The following TPRG1 variants were observed in gnomAD, a reference collection of about 807,000 sequenced individuals.
TPRG1 encodes the protein tumor protein p63-regulated gene 1 protein.
In TPRG1, 29 loss-of-function variants were observed where a neutral mutation model predicts 29.3. The observed-to-expected ratio is 0.99, with a 90% CI of 0.74 to 1.35. TPRG1 has a LOEUF of 1.35. TPRG1 is among the 40% of genes most tolerant of loss of function. The pLI is 0.00. For missense variants in TPRG1, 327 were observed against 335.0 expected (o/e 0.98, Z 0.19); for synonymous variants, 130 against 116.8 (o/e 1.11, Z -0.73).
chr3:189,046,084 C>T (rs558430305), intron 4 of TPRG1, among the ~76,000 whole-genome samples: 105 of 152,296 alleles, frequency 6.9e-4, no homozygotes, highest in African/African-American at 2.4e-3. Context: ...AAAAGCTCAG[C>T]AGACTTCTAA....
intron 2 of TPRG1, among the ~76,000 whole-genome samples, chr3:189,208,170 C>G (rs1351425075): frequency 2.0e-5 from 3 of 152,194 alleles, no homozygotes; most frequent in Non-Finnish European, 4.4e-5. Flanking sequence ...GCTTGTATAT[C>G]TGGATGTTAA....
intron 3 of TPRG1, 108 bp from the exon 4 acceptor site, chr3:189,238,625 C>A: frequency 1.1e-6 from 1 of 920,528 alleles, no homozygotes; most frequent in Non-Finnish European, 1.6e-6. Flanking sequence ...CCTCTCTCTT[C>A]TGAGTTGATC....
intron 4 of TPRG1, among the ~76,000 whole-genome samples, chr3:189,257,160 A>G (rs1222312313): frequency 1.3e-5 from 2 of 152,108 alleles, no homozygotes; most frequent in East Asian, 3.9e-4. Context: ...TCCTTTCCAT[A>G]TTTAGTGCTT....
intron 5 of TPRG1, among the ~76,000 whole-genome samples, chr3:189,160,656 G>A (rs1175207357): frequency 2.0e-5 from 3 of 152,210 alleles, no homozygotes; most frequent in South Asian, 4.1e-4. Context: ...GCGGCTACAG[G>A]AATCAAAATA....
At chr3:189,068,874 A>G (rs1279986882) in intron 4 of TPRG1, among the ~76,000 whole-genome samples, 4 of 152,220 alleles carry the variant, frequency 2.6e-5, no homozygotes, top group Non-Finnish European at 5.9e-5. Flanking sequence ...ACTGGAGAAC[A>G]TTATGTTAAG....
chr3:189,107,416 T>C (rs1445894989), intron 1 of TPRG1, among the ~76,000 whole-genome samples: 1 of 152,206 alleles, frequency 6.6e-6, no homozygotes, highest in East Asian at 1.9e-4. Context: ...GTAAAAATTC[T>C]TTCTAAAATA....
At chr3:189,309,305 G>C (rs58297003) in intron 4 of TPRG1, among the ~76,000 whole-genome samples, 1 of 152,130 alleles carries the variant, frequency 6.6e-6, no homozygotes, top group Non-Finnish European at 1.5e-5. Flanking sequence ...TAAACATTCA[G>C]AAACCATAAC....
chr3:189,291,621 A>G (rs986502960), intron 4 of TPRG1, among the ~76,000 whole-genome samples: 1 of 152,206 alleles, frequency 6.6e-6, no homozygotes, highest in Non-Finnish European at 1.5e-5. Context: ...TTAGGGGACT[A>G]AAGAAGTAGT....
upstream of TPRG1, among the ~76,000 whole-genome samples, chr3:189,097,915 C>A (rs1718793862): frequency 1.3e-5 from 2 of 152,140 alleles, no homozygotes; most frequent in Non-Finnish European, 2.9e-5. Context: ...TGTGTTTTCC[C>A]CCCTTTACGT....
At chr3:189,215,214 C>T in intron 2 of TPRG1, 78 bp from the exon 3 acceptor site, 1 of 1,198,150 alleles carries the variant, frequency 8.3e-7, no homozygotes, top group South Asian at 1.5e-5. Flanking sequence ...GGAGGAGCTG[C>T]TGGAATATAC....
intron 5 of TPRG1, among the ~76,000 whole-genome samples, chr3:189,158,886 A>C (rs888689672): frequency 3.3e-5 from 5 of 151,728 alleles, no homozygotes; most frequent in Non-Finnish European, 7.4e-5. Context: ...CTGTCCTCAA[A>C]AGTATCTTTT....
intron 4 of TPRG1, among the ~76,000 whole-genome samples, chr3:189,241,622 C>T (rs1740613104): frequency 6.6e-6 from 1 of 151,996 alleles, no homozygotes; most frequent in South Asian, 2.1e-4. Context: ...TTGGTTGTGT[C>T]CCCACCAAAA....
At chr3:189,099,307 G>C (rs1235672898), upstream of TPRG1, among the ~76,000 whole-genome samples, 1 of 152,104 alleles carries the variant, frequency 6.6e-6, no homozygotes, top group East Asian at 1.9e-4. Context: ...AGTGTCACAT[G>C]GTGTGTGGAG....
intron 1 of TPRG1, among the ~76,000 whole-genome samples, chr3:189,187,958 A>T (rs899774355): frequency 3.3e-5 from 5 of 152,372 alleles, no homozygotes; most frequent in Middle Eastern, 3.4e-3. Flanking sequence ...GTAAATCAAA[A>T]GTAAAGACAT....
At chr3:189,224,062 T>C (rs1737327635) in intron 3 of TPRG1, among the ~76,000 whole-genome samples, 1 of 152,172 alleles carries the variant, frequency 6.6e-6, no homozygotes, top group Non-Finnish European at 1.5e-5. Context: ...GTATGATACA[T>C]ACTGATATAT....
chr3:189,241,421 G>C (rs572382517), intron 4 of TPRG1, among the ~76,000 whole-genome samples: 1 of 152,030 alleles, frequency 6.6e-6, no homozygotes, highest in Admixed American at 6.6e-5. Flanking sequence ...TATGACTATA[G>C]CCCATTTTTT....
At chr3:189,244,884 T>G (rs1579011363) in intron 4 of TPRG1, among the ~76,000 whole-genome samples, 1 of 152,282 alleles carries the variant, frequency 6.6e-6, no homozygotes, top group East Asian at 1.9e-4. Flanking sequence ...CTTTTACTAT[T>G]GTTTTGCTAA....
chr3:189,109,641 G>A (rs934339220), intron 1 of TPRG1, among the ~76,000 whole-genome samples: 5 of 152,172 alleles, frequency 3.3e-5, no homozygotes, highest in Non-Finnish European at 7.4e-5. Context: ...TTTACTGAGA[G>A]GCACACTTGC....
chr3:189,081,526 A>G (rs1034849257), intron 4 of TPRG1, among the ~76,000 whole-genome samples: 4 of 152,232 alleles, frequency 2.6e-5, no homozygotes, highest in Non-Finnish European at 4.4e-5. Context: ...TCATGCTTGA[A>G]TGAAAGAATA....
Sources: allele counts gnomAD v4.1 joint callset (sites outside exome capture counted in the v4.1 genomes callset), GRCh38; gene constraint gnomAD v4.1.1; transcripts MANE v1.5; gene names NCBI Gene and HGNC (gene_info 2026-07-23, HGNC 2026-07-21).